The following TEPSIN variants were observed in gnomAD, a reference collection of about 807,000 sequenced individuals.
The protein encoded by TEPSIN is TEPSIN adaptor related protein complex 4 accessory protein.
In TEPSIN, 50 loss-of-function variants were observed where a neutral mutation model predicts 48.5. The observed-to-expected ratio is 1.03, with a 90% CI of 0.82 to 1.31. The LOEUF (loss-of-function observed/expected upper bound fraction) is 1.31, where lower values mean the gene tolerates loss of function less well. TEPSIN is among the 50% of genes most tolerant of loss of function. The pLI is 0.00. For synonymous variants in TEPSIN, 392 were observed against 358.8 expected, an observed-to-expected ratio of 1.09 and a Z score of -1.05; for missense variants, 838 against 815.9, an observed-to-expected ratio of 1.03 and a Z score of -0.33.
intron 4 of TEPSIN, among the ~76,000 whole-genome samples, chr17:81,235,769 C>A (rs1240423924): frequency 2.6e-5 from 4 of 152,196 alleles, no homozygotes; most frequent in Non-Finnish European, 4.4e-5. Context: ...GTGAGGATGG[C>A]GAGAGCACCC....
rs866919299 is a variant in TEPSIN at position 81,231,421 on chromosome 17, C to A, written c.1075G>T (p.Gly359Trp). The A allele has an allele frequency of 6.4e-7, 1 of 1,558,886 alleles. No individual in the cohort carries two copies. Among genetic ancestry groups the A allele is most frequent in the East Asian group, 2.4e-5 (1 of 41,628 alleles). Residue 359 changes from glycine to tryptophan, a missense_variant, in exon 11 of 13, where the codon GGG (glycine) becomes TGG (tryptophan). Gly to Trp is a radical substitution (Grantham distance 184, BLOSUM62 -2). Transcript: ENST00000637944. Reference protein sequence around the residue: ...VLQLLTCHLRGTSECTQLRAL... With the variant: ...VLQLLTCHLRWTSECTQLRAL... ...ACCAGCTGCGTGCATTCACTGGTCC[C>A]ACGCAGGTGGCAGGTCAGCAGCTGC...
At position 81,234,035 on chromosome 17, in the gene TEPSIN, G is replaced by A. The variant is rs2062676689; in HGVS notation, c.321C>T (p.Pro107=). The stretch of plus-strand genomic sequence containing the variant: ...AGCTGTTCCCGTGCAGAGGATCTGG[G>A]GGCCCTGCAAAAGCTGCAGAACAGA... ...FIQEAAAFAG[P]PDPLHGNSLY... is the part of the protein sequence containing the mutation. The change falls in exon 5 of 13, where the codon CCC becomes CCT. Residue 107 remains proline (P), a synonymous_variant. Transcript: ENST00000637944. The surrounding 1 kb of genome is among the most constrained non-coding windows in gnomAD (Gnocchi z 5.4). 6.3e-7 allele frequency: 1 copy of A among 1,593,450 alleles called. No homozygotes were observed. The highest frequency in any genetic ancestry group is 8.5e-7 in the Non-Finnish European group (1 of 1,173,894).
Position 81,228,807 on chromosome 17 carries a change from G to T in TEPSIN, c.*121C>A. The T allele has an allele frequency of 8.2e-7, 1 of 1,224,754 alleles. No individual in the cohort carries two copies. The highest frequency in any genetic ancestry group is 1.1e-6 in the Non-Finnish European group (1 of 870,064). The allele number at this position is 1,224,754 out of a possible 1,614,324, so 75.9% of individuals were successfully genotyped here. ...GATGGGGGAAACTGAGGTAGCCCTA[G>T]GGTCGTCCTCTCAAGTCAAGCTGCC... On this transcript the variant is annotated 3_prime_UTR_variant, in exon 13 of 13. Transcript: ENST00000637944.
At chr17:81,231,534 C>CG in intron 10 of TEPSIN, 44 bp downstream of exon 10, 3 of 1,592,186 alleles carry the variant, frequency 1.9e-6, no homozygotes, top group Non-Finnish European at 2.6e-6. Flanking sequence ...CCCTCGCCCA[C>CG]GGTTGGGGCT....
In TEPSIN at chr17:81,233,887, G is replaced by A; in HGVS notation, c.375+94C>T. ...GCAGAGGCAGGGGTCCCGGATGGGA[G>A]AACTGCAAACCCCCCAGCTGACATC... On this transcript the variant is annotated intron_variant, in intron 5 of 12. Transcript: ENST00000637944. This position sits in a 1 kb window ranked among gnomAD's most constrained non-coding sequence, Gnocchi z 5.8. The A allele has an allele frequency of 7.0e-7, 1 of 1,434,366 alleles. No individual in the cohort carries two copies. Among genetic ancestry groups the A allele is most frequent in the Non-Finnish European group, 9.4e-7 (1 of 1,067,982 alleles). 88.9% of individuals were successfully genotyped at this position (1,434,366 alleles called of 1,614,324 possible).
In TEPSIN at chr17:81,231,626, C is replaced by T. The variant is rs530546424; in HGVS notation, c.971G>A (p.Gly324Glu). 6.2e-7 allele frequency: 1 copy of T among 1,613,164 alleles called. No individual in the cohort carries two copies. Among genetic ancestry groups the T allele is most frequent in the African/African-American group, 1.3e-5 (1 of 75,036 alleles). Reference sequence around the variant, plus strand: ...CTCGCGGCTCAGGAAGGCGCGTGGTCCCCGAGTCACAGTCCTCACCAAGCT... The same window carrying T: ...CTCGCGGCTCAGGAAGGCGCGTGGTTCCCGAGTCACAGTCCTCACCAAGCT... ...ELSLVRTVTR[G>E]PRAFLSREEA... The change falls in exon 10 of 13, where the codon GGA becomes GAA. Residue 324 changes from glycine (G) to glutamate (E), a missense_variant. Coordinates refer to ENST00000637944, the MANE Select transcript of TEPSIN (RefSeq NM_001363764.2).
rs566918635 is a variant in TEPSIN at position 81,237,229 on chromosome 17, T to C, written c.121+158A>G. On this transcript the variant is annotated intron_variant, in intron 2 of 12. Transcript: ENST00000637944. ...TGGGCTTCTAGGGTCCCCTGTGTCA[T>C]CAGTATTGCAGCCTTCAGACCCCAC... 3.0e-5 allele frequency: 35 copies of C among 1,168,608 alleles called. 1 individual carries two copies. The African/African-American group carries it at 5.2e-4, about 17-fold the overall frequency. 72.4% of individuals were successfully genotyped at this position (1,168,608 alleles called of 1,614,324 possible). A position where few individuals can be genotyped will look rare whatever the true frequency, so the allele number is the denominator to read the frequency against.
In TEPSIN at chr17:81,228,637, C is replaced by T. The variant is rs2062515053; in HGVS notation, c.*291G>A. ...ATAAGGAACCTGGTAGTCGCTTCCG[C>T]ATTCATACAAGAAACCTCATGTCTG... On this transcript the variant is annotated 3_prime_UTR_variant, in exon 13 of 13. Coordinates refer to ENST00000637944, the MANE Select transcript of TEPSIN (RefSeq NM_001363764.2). The T allele has an allele frequency of 2.0e-6, 1 of 495,124 alleles. No homozygotes were observed. The allele number at this position is 495,124 out of a possible 1,614,324, so 30.7% of individuals were successfully genotyped here. A position where few individuals can be genotyped will look rare whatever the true frequency, so the allele number is the denominator to read the frequency against.
chr17:81,237,264 G>T, intron 2 of TEPSIN, 123 bp downstream of exon 2: 1 of 1,293,036 alleles, frequency 7.7e-7, no homozygotes. Flanking sequence ...CCCATGCCTG[G>T]TTACAATAAT....
Position 81,231,424 on chromosome 17 carries a change from G to A in TEPSIN, c.1072C>T (p.Arg358Cys), listed in dbSNP as rs764128937. Residue 358 changes from arginine (R) to cysteine (C), a missense_variant, in exon 11 of 13, where the codon CGT becomes TGT. Transcript: ENST00000637944. ...AVLQLLTCHLRGTSECTQLRA... is the reference protein window; with the variant it reads ...AVLQLLTCHLCGTSECTQLRA... The stretch of plus-strand genomic sequence containing the variant: ...AGCTGCGTGCATTCACTGGTCCCAC[G>A]CAGGTGGCAGGTCAGCAGCTGCAGC... The A allele has an allele frequency of 4.5e-6, 7 of 1,560,032 alleles. No individual in the cohort carries two copies. The highest frequency in any genetic ancestry group is 1.4e-5 in the African/African-American group (1 of 73,652).
In TEPSIN at chr17:81,234,260, A is replaced by G; in HGVS notation, c.308-212T>C. 2.3e-6 allele frequency: 1 copy of G among 437,690 alleles called. No individual in the cohort carries two copies. The allele number at this position is 437,690 out of a possible 1,614,324, so 27.1% of individuals were successfully genotyped here. On this transcript the variant is annotated intron_variant, in intron 4 of 12. Transcript: ENST00000637944. This position sits in a 1 kb window ranked among gnomAD's most constrained non-coding sequence, Gnocchi z 5.4. The stretch of plus-strand genomic sequence containing the variant: ...CCCTCACCCATGCCCCACAGAGGCG[A>G]GACTCTCTCCACAGCAACCACCTCG...
intron 1 of TEPSIN, chr17:81,237,804 T>G (rs1458525203): frequency 3.2e-6 from 1 of 308,306 alleles, no homozygotes; most frequent in East Asian, 9.9e-5. Flanking sequence ...ACCTACTGAC[T>G]AGCAAAGCCA....
At chr17:81,232,248 G>A (rs993384328) in intron 8 of TEPSIN, 67 bp downstream of exon 8, 19 of 1,439,610 alleles carry the variant, frequency 1.3e-5, no homozygotes, top group South Asian at 5.7e-5. Flanking sequence ...CTCCGTGGCC[G>A]CAAAGCCCCA....
At chr17:81,236,936 TG>T (rs764691252) in intron 3 of TEPSIN, 43 bp downstream of exon 3, 2 of 1,541,186 alleles carry the variant, frequency 1.3e-6, no homozygotes, top group South Asian at 2.4e-5. Context: ...CTCACCACCG[TG>T]GGCCGGGCCT....
chr17:81,230,872 TCAC>T lies in TEPSIN; in HGVS notation c.1099-197_1099-195del. 1 of 659,880 alleles carries T rather than the reference TCAC, an allele frequency of 1.5e-6. No individual in the cohort carries two copies. Among genetic ancestry groups the T allele is most frequent in the South Asian group, 2.1e-5 (1 of 47,374 alleles). 40.9% of individuals were successfully genotyped at this position (659,880 alleles called of 1,614,324 possible). On this transcript the variant is annotated intron_variant, in intron 11 of 12. Transcript: ENST00000637944. The surrounding 1 kb of genome is among the most constrained non-coding windows in gnomAD (Gnocchi z 4.2). ...GATCCCAGACACCACAGCCCTGTCC[TCAC>T]CACCTTACACCCCCGCTCCCAGACA...
Position 81,231,686 on chromosome 17 carries a change from T to A in TEPSIN, c.911A>T (p.Glu304Val). 1 of 1,611,526 alleles carries A rather than the reference T, an allele frequency of 6.2e-7. No individual in the cohort carries two copies. The highest frequency in any genetic ancestry group is 8.5e-7 in the Non-Finnish European group (1 of 1,179,036). Residue 304 changes from glutamate to valine, a missense_variant, in exon 10 of 13, where the codon GAG (glutamate) becomes GTG (valine). Glu to Val is a moderately radical substitution (Grantham distance 121). Transcript: ENST00000637944. ...REPGDLAERVEVVALSDCQQE... is the reference protein window; with the variant it reads ...REPGDLAERVVVVALSDCQQE... ...CTGACAGTCACTCAGGGCCACCACC[T>A]CGACCCTGCCAGGGGGAATGGCCGG...
chr17:81,238,629 A>T (rs1162134466), intron 1 of TEPSIN: 2 of 1,133,330 alleles, frequency 1.8e-6, no homozygotes, highest in Non-Finnish European at 1.1e-6. Context: ...GCGGGCTGCC[A>T]GCCCACCTGG....
At chr17:81,231,319 GCA>G (rs972912771) in intron 11 of TEPSIN, 77 bp downstream of exon 11, 17 of 1,375,698 alleles carry the variant, frequency 1.2e-5, no homozygotes, top group Non-Finnish European at 1.5e-5. Flanking sequence ...AGGCACACGT[GCA>G]CACACACGCA....
rs980544124 is a variant in TEPSIN at position 81,234,321 on chromosome 17, G to A, written c.308-273C>T. On this transcript the variant is annotated intron_variant, in intron 4 of 12. Coordinates refer to ENST00000637944, the MANE Select transcript of TEPSIN (RefSeq NM_001363764.2). This position sits in a 1 kb window ranked among gnomAD's most constrained non-coding sequence, Gnocchi z 5.4. ...GGTCGGCAACCCCTGGTGCCTGAGC[G>A]GGTGTGGCCTCCCCGAAGCCCACTC... is the stretch of plus-strand genomic sequence containing the variant. The A allele has an allele frequency of 1.9e-4, 67 of 349,410 alleles. No individual in the cohort carries two copies. Among genetic ancestry groups the A allele is most frequent in the African/African-American group, 1.1e-3 (52 of 47,118 alleles). The allele number at this position is 349,410 out of a possible 1,614,324, so 21.6% of individuals were successfully genotyped here.
Sources: allele counts gnomAD v4.1 joint callset (sites outside exome capture counted in the v4.1 genomes callset), GRCh38; gene constraint gnomAD v4.1.1; non-coding constraint Gnocchi (gnomAD v3.1); transcripts MANE v1.5; gene names NCBI Gene and HGNC (gene_info 2026-07-23, HGNC 2026-07-21).